The following ADGRE3 variants were observed in gnomAD, a reference collection of about 807,000 sequenced individuals.
The protein encoded by ADGRE3 is EGF-like module receptor 3.
A neutral mutation model predicts 80.1 loss-of-function variants in ADGRE3; 88 were observed. That is an observed-to-expected ratio of 1.10 (90% CI 0.93 to 1.31). The LOEUF (loss-of-function observed/expected upper bound fraction) is 1.31. Among genes scored for constraint, ADGRE3 ranks in the 40% most tolerant of loss-of-function variants. ADGRE3 has a pLI of 0.00. For synonymous variants in ADGRE3, 281 were observed against 294.8 expected (o/e 0.95, Z 0.48); for missense variants, 715 against 776.5 (o/e 0.92, Z 0.94).
intron 10 of ADGRE3, among the ~76,000 whole-genome samples, chr19:14,638,698 C>G (rs1971168413): frequency 6.6e-6 from 1 of 152,102 alleles, no homozygotes; most frequent in South Asian, 2.1e-4. Context: ...GCCACCTCCA[C>G]CTATGCCACT....
intron 10 of ADGRE3, among the ~76,000 whole-genome samples, 170 bp from the exon 11 acceptor site, chr19:14,638,510 G>A (rs1203627485): frequency 6.6e-6 from 1 of 152,064 alleles, no homozygotes. Flanking sequence ...AGCACTTTGG[G>A]AGGCTGAGGT....
Position 14,620,563 on chromosome 19 carries a change from TATATA to T in ADGRE3, c.1921-1097_1921-1093del, listed in dbSNP as rs1277037694. 2.6e-4 allele frequency among the ~76,000 whole-genome samples: 12 copies of T among 46,702 alleles called. 2 individuals carry two copies. Among genetic ancestry groups the T allele is most frequent in the African/African-American group, 1.0e-3 (11 of 10,614 alleles). The allele number at this position is 46,702 out of a possible 152,430, so 30.6% of individuals were successfully genotyped here. On this transcript the variant is annotated intron_variant, in intron 15 of 15. Transcript: ENST00000253673. The stretch of plus-strand genomic sequence containing the variant: ...TATATATATATTATATATATATATA[TATATA>T]TTTTTTTTTTTTTTTTTTTTTTTTT...
rs1555755806 is a variant in ADGRE3, at chr19:14,636,094, C to CTTTCTTTCTT, written c.1484+2001_1484+2010dup. On this transcript the variant is annotated intron_variant, in intron 11 of 15. Coordinates refer to ENST00000253673, the MANE Select transcript of ADGRE3 (RefSeq NM_032571.5). ...TCCTTTCCTTTCCCTTTCTTTCTTT[C>CTTTCTTTCTT]TTTCTTTCTTTCTTTCTTTCTTTCT... Among the ~76,000 whole-genome samples, 57 of 37,134 alleles carry CTTTCTTTCTT rather than the reference C, an allele frequency of 1.5e-3. 5 individuals carry two copies. Among genetic ancestry groups the CTTTCTTTCTT allele is most frequent in the Admixed American group, 5.0e-3 (14 of 2,806 alleles). 24.4% of individuals were successfully genotyped at this position (37,134 alleles called of 152,430 possible). A position where few individuals can be genotyped will look rare whatever the true frequency, so the allele number is the denominator to read the frequency against.
chr19:14,644,749 G>C (rs914094652), intron 8 of ADGRE3, among the ~76,000 whole-genome samples: 2 of 151,124 alleles, frequency 1.3e-5, no homozygotes, highest in Admixed American at 1.3e-4. Flanking sequence ...TTTTTGAGAC[G>C]GGGTCTCATT....
chr19:14,662,382 C>T (rs1971972306), intron 3 of ADGRE3, among the ~76,000 whole-genome samples: 1 of 152,106 alleles, frequency 6.6e-6, no homozygotes, highest in Non-Finnish European at 1.5e-5. Flanking sequence ...CGAAATGAAA[C>T]AAGAAACTAT....
intron 14 of ADGRE3, 44 bp downstream of exon 14, chr19:14,629,995 A>C: frequency 7.1e-7 from 1 of 1,414,238 alleles, no homozygotes; most frequent in Non-Finnish European, 9.5e-7. Context: ...CCATTTCCAA[A>C]ATTTTCTTAA....
intron 11 of ADGRE3, among the ~76,000 whole-genome samples, chr19:14,636,010 T>C (rs1353453399): frequency 2.5e-4 from 5 of 20,340 alleles, no homozygotes; most frequent in Non-Finnish European, 4.8e-4. Context: ...TTTCTCTTTC[T>C]TTCTTCCTTC....
At chr19:14,671,326 G>T (rs1419721440) in intron 1 of ADGRE3, among the ~76,000 whole-genome samples, 1 of 152,134 alleles carries the variant, frequency 6.6e-6, no homozygotes, top group Non-Finnish European at 1.5e-5. Flanking sequence ...CTCTAGGGGA[G>T]AATCTGTCTC....
chr19:14,630,395 T>TA (rs2146812784), intron 13 of ADGRE3, among the ~76,000 whole-genome samples, 188 bp from the exon 14 acceptor site: 1 of 58,838 alleles, frequency 1.7e-5, no homozygotes, highest in East Asian at 3.1e-4. Flanking sequence ...TCCCTCATCT[T>TA]ATTTTATTTT....
At chr19:14,637,350 T>A (rs1971117979) in intron 11 of ADGRE3, among the ~76,000 whole-genome samples, 1 of 151,104 alleles carries the variant, frequency 6.6e-6, no homozygotes, top group Non-Finnish European at 1.5e-5. Context: ...GATTTGAGAG[T>A]CTTCTCTCAT....
intron 1 of ADGRE3, among the ~76,000 whole-genome samples, 170 bp downstream of exon 1, chr19:14,674,576 C>T (rs185253323): frequency 5.3e-5 from 8 of 151,992 alleles, no homozygotes; most frequent in South Asian, 2.1e-4. Context: ...TAGGGATATT[C>T]GAGAGCATAC....
chr19:14,657,714 A>G (rs1971807085), intron 5 of ADGRE3, among the ~76,000 whole-genome samples: 1 of 150,138 alleles, frequency 6.7e-6, no homozygotes. Flanking sequence ...TGAGTTTTGC[A>G]TCCTGCCTAT....
At chr19:14,600,149 T>C in the ADGRE3 span, 4 of 1,614,064 alleles carry the variant, frequency 2.5e-6, no homozygotes, top group Non-Finnish European at 3.4e-6. Context: ...AGAATTACTC[T>C]CACTTGGTCA....
Position 14,633,312 on chromosome 19 carries a change from G to C in ADGRE3, c.1485-10C>G, listed in dbSNP as rs776152429. On this transcript the variant is annotated splice_polypyrimidine_tract_variant and intron_variant, in intron 11 of 15. Coordinates refer to ENST00000253673, the MANE Select transcript of ADGRE3 (RefSeq NM_032571.5). ...CAGGTGGAGCCAGCATCTAGGAACA[G>C]TGGGAAAAGAGATACAAAGAGAGAT... 6.2e-7 allele frequency: 1 copy of C among 1,607,014 alleles called. No homozygotes were observed. Among genetic ancestry groups the C allele is most frequent in the Admixed American group, 1.7e-5 (1 of 59,334 alleles).
intron 2 of ADGRE3, among the ~76,000 whole-genome samples, chr19:14,664,642 G>C (rs1389068549): frequency 1.3e-5 from 2 of 152,164 alleles, no homozygotes; most frequent in African/African-American, 4.8e-5. Flanking sequence ...CCAGGAGTTT[G>C]AGGCTGCAGT....
At chr19:14,643,064 T>G (rs1439931279) in intron 9 of ADGRE3, among the ~76,000 whole-genome samples, 2 of 152,172 alleles carry the variant, frequency 1.3e-5, no homozygotes. Context: ...GTGTTCCTTT[T>G]TTTCTGCTAC....
rs1240616723 is a variant in ADGRE3, at chr19:14,644,158, T to C, written c.1000A>G (p.Asn334Asp). 6.2e-7 allele frequency: 1 copy of C among 1,601,876 alleles called. No homozygotes were observed. Among genetic ancestry groups the C allele is most frequent in the East Asian group, 2.3e-5 (1 of 44,234 alleles). ...GCGAAGCTGGACAGGTGACTGCAAT[T>C]ACACATGGTGTGACTCTTGTTCACG... ...IHVNKSHTMC[N>D]CSHLSSFAVL... Residue 334 changes from asparagine (N) to aspartate (D), a missense_variant, in exon 9 of 16, where the codon AAT becomes GAT. Physicochemically the swap from Asn to Asp is conservative, Grantham distance 23. Transcript: ENST00000253673.
chr19:14,659,822 GAA>G (rs66908687), intron 4 of ADGRE3, among the ~76,000 whole-genome samples: 3 of 44,820 alleles, frequency 6.7e-5, no homozygotes, highest in African/African-American at 1.8e-4. Context: ...CTCTGCCTCT[GAA>G]AAAAAAAAAA....
At chr19:14,620,547 AT>A (rs1479675515) in intron 15 of ADGRE3, among the ~76,000 whole-genome samples, 2,001 of 13,494 alleles carry the variant, frequency 0.15, 299 homozygotes, top group East Asian at 0.29. Flanking sequence ...TTATATATAT[AT>A]TATATATATA....
Sources: gnomAD v4.1 joint callset for allele counts (sites outside exome capture counted in the v4.1 genomes callset) on GRCh38, gnomAD v4.1.1 for gene constraint, MANE v1.5 for transcripts, NCBI Gene and HGNC (gene_info 2026-07-23, HGNC 2026-07-21) for gene names.